Variants in TBC1D23 observed in about 807,000 individuals in gnomAD.
TBC1D23 encodes TBC1 domain family member 23.
A neutral mutation model predicts 91.4 loss-of-function variants in TBC1D23; 55 were observed. The ratio of observed to expected loss-of-function variants is 0.60; its 90% CI spans 0.48 to 0.75. The LOEUF (loss-of-function observed/expected upper bound fraction) is 0.75. TBC1D23 is among the 30% of genes least tolerant of loss of function. TBC1D23 has a pLI of 0.00. For synonymous variants in TBC1D23, 289 were observed against 281.0 expected, an observed-to-expected ratio of 1.03 and a Z score of -0.28; for missense variants, 725 against 836.1, an observed-to-expected ratio of 0.87 and a Z score of 1.64.
chr3:100,272,606 C>T (rs2067608760), intron 1 of TBC1D23, among the ~76,000 whole-genome samples: 1 of 151,990 alleles, frequency 6.6e-6, no homozygotes, highest in East Asian at 1.9e-4. Flanking sequence ...ATAAGGGGAC[C>T]CAGGGAACCA....
chr3:100,278,878 A>G (rs1365612594), intron 1 of TBC1D23, among the ~76,000 whole-genome samples: 3 of 152,198 alleles, frequency 2.0e-5, no homozygotes, highest in East Asian at 1.9e-4. Flanking sequence ...TAATATACCA[A>G]TAGATCCTTT....
chr3:100,310,389 T>C lies in TBC1D23; in HGVS notation c.1414-14T>C. 1 of 1,607,382 alleles carries C rather than the reference T, an allele frequency of 6.2e-7. No individual in the cohort carries two copies. The highest frequency in any genetic ancestry group is 8.5e-7 in the Non-Finnish European group (1 of 1,177,054). ...TCATTCAGAGGCAGTTAATCCATTATGTTCTTTTTTTAGGGTGAATCTCCT... is the reference window on the plus strand; with the variant it reads ...TCATTCAGAGGCAGTTAATCCATTACGTTCTTTTTTTAGGGTGAATCTCCT... On this transcript the variant is annotated splice_polypyrimidine_tract_variant and intron_variant, in intron 13 of 18. Coordinates refer to ENST00000394144, the MANE Select transcript of TBC1D23 (RefSeq NM_001199198.3).
chr3:100,310,595 C>A (rs1705609001), intron 14 of TBC1D23, 53 bp downstream of exon 14: 8 of 1,411,952 alleles, frequency 5.7e-6, no homozygotes, highest in African/African-American at 1.4e-5. Context: ...ACTAAAGAAA[C>A]AATGTCTTAG....
intron 16 of TBC1D23, among the ~76,000 whole-genome samples, chr3:100,318,549 TTTG>T (rs1374786523): frequency 6.6e-6 from 1 of 152,178 alleles, no homozygotes. Context: ...TAAACCTGAC[TTTG>T]TTACCATATG....
At chr3:100,277,933 T>G (rs1399693940) in intron 1 of TBC1D23, among the ~76,000 whole-genome samples, 1 of 152,234 alleles carries the variant, frequency 6.6e-6, no homozygotes, top group Non-Finnish European at 1.5e-5. Flanking sequence ...AACTAAATGT[T>G]TCTTGTGTGG....
chr3:100,323,528 T>TATATAC, intron 18 of TBC1D23, 59 bp from the exon 19 acceptor site: 2 of 868,598 alleles, frequency 2.3e-6, no homozygotes, highest in Non-Finnish European at 1.5e-6. Context: ...ACTGTATTTT[T>TATATAC]ATATACATAT....
intron 7 of TBC1D23, 143 bp downstream of exon 7, chr3:100,295,491 C>A: frequency 1.6e-6 from 1 of 621,196 alleles, no homozygotes; most frequent in Non-Finnish European, 2.7e-6. Context: ...AAACACTCTC[C>A]AGGTACAGAC....
intron 11 of TBC1D23, 31 bp from the exon 12 acceptor site, chr3:100,304,815 G>A (rs370368505): frequency 2.1e-4 from 240 of 1,168,524 alleles, no homozygotes; most frequent in Non-Finnish European, 2.9e-4. Context: ...TCGCAGTTTT[G>A]GAAGAATTTA....
intron 1 of TBC1D23, chr3:100,267,298 TAAA>T (rs1559798764): frequency 2.3e-6 from 1 of 430,740 alleles, no homozygotes; most frequent in Non-Finnish European, 4.6e-6. Context: ...CTTGTAGAAA[TAAA>T]GAATTTAAGA....
At chr3:100,274,927 C>T (rs1264818265) in intron 1 of TBC1D23, among the ~76,000 whole-genome samples, 1 of 142,788 alleles carries the variant, frequency 7.0e-6, no homozygotes, top group Admixed American at 7.2e-5. Context: ...ATTCATCCCT[C>T]AGTGAACGGA....
intron 14 of TBC1D23, among the ~76,000 whole-genome samples, chr3:100,311,093 T>C (rs1250475525): frequency 1.3e-5 from 2 of 152,234 alleles, no homozygotes; most frequent in Non-Finnish European, 2.9e-5. Flanking sequence ...TTGTTTCTTA[T>C]TGTAACTGAG....
intron 17 of TBC1D23, 63 bp downstream of exon 17, chr3:100,319,267 CTG>C: frequency 1.5e-6 from 2 of 1,346,084 alleles, no homozygotes; most frequent in South Asian, 1.3e-5. Context: ...TAATACAAAA[CTG>C]AACTACAGAA....
chr3:100,301,682 A>G (rs976111586), intron 10 of TBC1D23, among the ~76,000 whole-genome samples: 3 of 152,238 alleles, frequency 2.0e-5, no homozygotes, highest in African/African-American at 2.4e-5. Context: ...TAAGAAACAC[A>G]TGGTTTACCA....
intron 1 of TBC1D23, 157 bp downstream of exon 1, chr3:100,261,228 C>G: frequency 1.5e-6 from 1 of 665,638 alleles, no homozygotes; most frequent in South Asian, 1.8e-5. Context: ...AGCTGGGTGC[C>G]CCCTGCCTGC....
chr3:100,318,615 G>A (rs1464703929), intron 16 of TBC1D23, among the ~76,000 whole-genome samples: 1 of 151,458 alleles, frequency 6.6e-6, no homozygotes, highest in East Asian at 1.9e-4. Context: ...TAAGGAAATA[G>A]AGTAGCAGGA....
At chr3:100,311,612 T>C (rs990701887) in intron 14 of TBC1D23, among the ~76,000 whole-genome samples, 2 of 152,228 alleles carry the variant, frequency 1.3e-5, no homozygotes, top group African/African-American at 2.4e-5. Context: ...ATTTATTTGT[T>C]TTAAAATGTA....
chr3:100,320,960 G>T lies in TBC1D23; in HGVS notation c.2007G>T (p.Leu669Phe). ...GCAGTGCTTCAGGAATAGAAATCTT[G>T]GCAATCGAAAGGTAAGATTTTCCTT... ...GNSSASGIEI[L>F]AIERYLIPNA... Residue 669 changes from leucine to phenylalanine, a missense_variant, in exon 18 of 19, where the codon TTG (leucine) becomes TTT (phenylalanine). By Grantham distance (22) the Leu-to-Phe change is conservative (BLOSUM62 0). Coordinates refer to ENST00000394144, the MANE Select transcript of TBC1D23 (RefSeq NM_001199198.3). 1 of 1,593,020 alleles carries T rather than the reference G, an allele frequency of 6.3e-7. No homozygotes were observed. Among genetic ancestry groups the T allele is most frequent in the South Asian group, 1.2e-5 (1 of 86,344 alleles).
At chr3:100,317,199 A>G (rs958827677) in intron 16 of TBC1D23, among the ~76,000 whole-genome samples, 1 of 152,316 alleles carries the variant, frequency 6.6e-6, no homozygotes, top group African/African-American at 2.4e-5. Flanking sequence ...AGCAGTCATA[A>G]CTAATATTGG....
At chr3:100,281,078 T>G (rs2067690075) in intron 2 of TBC1D23, among the ~76,000 whole-genome samples, 1 of 152,182 alleles carries the variant, frequency 6.6e-6, no homozygotes, top group Non-Finnish European at 1.5e-5. Flanking sequence ...GAGAATCACT[T>G]GAACCCGGGA....
Sources: gnomAD v4.1 joint callset for allele counts (sites outside exome capture counted in the v4.1 genomes callset) on GRCh38, gnomAD v4.1.1 for gene constraint, MANE v1.5 for transcripts, NCBI Gene and HGNC (gene_info 2026-07-23, HGNC 2026-07-21) for gene names.